PSMD8: variants seen among roughly 807,000 people sequenced by gnomAD.
PSMD8 encodes 26S proteasome non-ATPase regulatory subunit 8.
A neutral mutation model predicts 40.0 loss-of-function variants in PSMD8; 30 were observed. The observed-to-expected ratio is 0.75, with a 90% confidence interval of 0.56 to 1.02. PSMD8 has a LOEUF of 1.02. PSMD8 is among the 50% of genes least tolerant of loss of function. The pLI is 0.00. For missense variants in PSMD8, 461 were observed against 463.9 expected (o/e 0.99, Z 0.06); for synonymous variants, 208 against 192.5 (o/e 1.08, Z -0.67).
At chr19:38,375,072 C>G in intron 1 of PSMD8, 111 bp downstream of exon 1, 1 of 1,468,656 alleles carries the variant, frequency 6.8e-7, no homozygotes. Flanking sequence ...GCCAGCGAGA[C>G]TGAGGCGGGC....
intron 6 of PSMD8, 172 bp downstream of exon 6, chr19:38,382,400 G>A: frequency 4.7e-6 from 3 of 642,380 alleles, no homozygotes; most frequent in Non-Finnish European, 8.4e-6. Context: ...TCCACAGAAT[G>A]GGGCTAGATA....
At chr19:38,382,014 GT>G in intron 5 of PSMD8, 102 bp from the exon 6 acceptor site, 1 of 764,232 alleles carries the variant, frequency 1.3e-6, no homozygotes, top group South Asian at 1.6e-5. Context: ...CCTGCCATCA[GT>G]GCTGAACTCC....
chr19:38,376,679 G>C (rs186596906), intron 3 of PSMD8, among the ~76,000 whole-genome samples: 4 of 152,242 alleles, frequency 2.6e-5, no homozygotes, highest in Admixed American at 2.6e-4. Flanking sequence ...CTGCCCAGTG[G>C]GGCTGCCATC....
In PSMD8 at chr19:38,379,377, A is replaced by G; in HGVS notation, c.674A>G (p.Tyr225Cys). 2 of 1,614,010 alleles carry G rather than the reference A, an allele frequency of 1.2e-6. No homozygotes were observed. The highest frequency in any genetic ancestry group is 1.1e-5 in the South Asian group (1 of 91,088). Residue 225 changes from tyrosine to cysteine, a missense_variant, in exon 4 of 7, where the codon TAC (tyrosine) becomes TGC (cysteine). Transcript: ENST00000215071. ...GCCAAGGACATACAGACCAATGTCTACATCAAGCACCCAGTGTCCCTGGAG... is the reference window on the plus strand; with the variant it reads ...GCCAAGGACATACAGACCAATGTCTGCATCAAGCACCCAGTGTCCCTGGAG... ...LPAKDIQTNVYIKHPVSLEQY... is the reference protein window; with the variant it reads ...LPAKDIQTNVCIKHPVSLEQY...
chr19:38,380,723 T>TGTGTGTGTGTGCGCGCGTGCGCGC (rs575195574), intron 4 of PSMD8, among the ~76,000 whole-genome samples, 176 bp from the exon 5 acceptor site: 37 of 144,004 alleles, frequency 2.6e-4, no homozygotes, highest in African/African-American at 8.4e-4. Context: ...TGTGTGTGTG[T>TGTGTGTGTGTGCGCGCGTGCGCGC]GTGTGTGCGC....
Position 38,383,471 on chromosome 19 carries a change from T to A in PSMD8, c.*81T>A, listed in dbSNP as rs1286732343. ...AGGGTTTCGCCCAATAAAGGTGGAC[T>A]GACATTCCCTCTTCCAGGCCCTTGT... On this transcript the variant is annotated 3_prime_UTR_variant, in exon 7 of 7. Transcript: ENST00000215071. The A allele has an allele frequency of 6.4e-7, 1 of 1,555,608 alleles. No individual in the cohort carries two copies. Among genetic ancestry groups the A allele is most frequent in the Non-Finnish European group, 8.8e-7 (1 of 1,135,152 alleles).
rs138441628 is a variant in PSMD8, at chr19:38,379,252, C to T, written c.549C>T (p.Pro183=). The change falls in exon 4 of 7, where the codon CCC becomes CCT. Residue 183 remains proline (P), a synonymous_variant. Coordinates refer to ENST00000215071, the MANE Select transcript of PSMD8 (RefSeq NM_002812.5). The part of the protein sequence containing the change: ...CYYFDYKEQL[P]ESAYMHQLLG... ...CCCACGTCCACAGGGAGCAGCTCCC[C>T]GAGTCAGCCTATATGCACCAGCTCT... 2.6e-5 allele frequency: 42 copies of T among 1,613,626 alleles called. 1 individual carries two copies. The Middle Eastern group carries it at 6.8e-4, about 26-fold the overall frequency.
At chr19:38,380,154 TGG>T (rs1484412155) in intron 4 of PSMD8, among the ~76,000 whole-genome samples, 1 of 151,544 alleles carries the variant, frequency 6.6e-6, no homozygotes, top group Non-Finnish European at 1.5e-5. Context: ...AGGCGGATGG[TGG>T]GTGCCTGTAA....
At position 38,382,134 on chromosome 19, in the gene PSMD8, G is replaced by A. The variant is rs1381972806; in HGVS notation, c.821G>A (p.Cys274Tyr). The change falls in exon 6 of 7, where the codon TGC (cysteine) becomes TAC (tyrosine). Residue 274 changes from cysteine (C) to tyrosine (Y), a missense_variant. Physicochemically the swap from Cys to Tyr is radical, Grantham distance 194 (BLOSUM62 -2). Coordinates refer to ENST00000215071, the MANE Select transcript of PSMD8 (RefSeq NM_002812.5). ...TCCCCCAGGGATGAGATCGCTGGGTGCATCGAGAAGGCCTACGAGAAAATC... is the reference window on the plus strand; with the variant it reads ...TCCCCCAGGGATGAGATCGCTGGGTACATCGAGAAGGCCTACGAGAAAATC... ...LDTIRDEIAGCIEKAYEKILF... is the reference protein window; with the variant it reads ...LDTIRDEIAGYIEKAYEKILF... 1 of 1,574,870 alleles carries A rather than the reference G, an allele frequency of 6.3e-7. No homozygotes were observed. The highest frequency in any genetic ancestry group is 8.6e-7 in the Non-Finnish European group (1 of 1,160,788).
Position 38,382,294 on chromosome 19 carries a change from T to C in PSMD8, c.915+66T>C, listed in dbSNP as rs1342086770. Reference sequence around the variant, plus strand: ...TGAAGTCACTAACAACAGTGTGGGGTGGCTTAGAGGGACACTGGAACAAGA... The same window carrying C: ...TGAAGTCACTAACAACAGTGTGGGGCGGCTTAGAGGGACACTGGAACAAGA... On this transcript the variant is annotated intron_variant, in intron 6 of 6. Transcript: ENST00000215071. 8 of 1,308,932 alleles carry C rather than the reference T, an allele frequency of 6.1e-6. No homozygotes were observed. The South Asian group carries it at 8.8e-5, about 14-fold the overall frequency. The allele number at this position is 1,308,932 out of a possible 1,614,324, so 81.1% of individuals were successfully genotyped here. A position where few individuals can be genotyped will look rare whatever the true frequency, so the allele number is the denominator to read the frequency against.
chr19:38,374,810 A>C lies in PSMD8; in HGVS notation c.209A>C (p.Asn70Thr), dbSNP rs768877797. 1 of 1,573,232 alleles carries C rather than the reference A, an allele frequency of 6.4e-7. No individual in the cohort carries two copies. The highest frequency in any genetic ancestry group is 8.6e-7 in the Non-Finnish European group (1 of 1,166,160). ...CGCAAGATGGCGGCCGCGGCGGTGA[A>C]CGGGGCGGCAGGCTTCTCGAGCTCC... ...ASRKMAAAAV[N>T]GAAGFSSSGP... Residue 70 changes from asparagine to threonine, a missense_variant, in exon 1 of 7, where the codon AAC (asparagine) becomes ACC (threonine). Asn to Thr is a moderately conservative substitution (Grantham distance 65, BLOSUM62 0). Coordinates refer to ENST00000215071, the MANE Select transcript of PSMD8 (RefSeq NM_002812.5).
intron 3 of PSMD8, among the ~76,000 whole-genome samples, chr19:38,377,472 G>A (rs1333132598): frequency 6.6e-6 from 1 of 150,658 alleles, no homozygotes; most frequent in African/African-American, 2.4e-5. Flanking sequence ...GATTACAGGT[G>A]TTGAGTCATT....
rs1568388068 is a variant in PSMD8, at chr19:38,379,420, G to A, written c.702+15G>A. On this transcript the variant is annotated intron_variant, in intron 4 of 6. Transcript: ENST00000215071. The stretch of plus-strand genomic sequence containing the variant: ...CCCTGGAGCAAGTGAGATGGCAAGG[G>A]GCAGGGGAGGACCTGGCCAAAGTGG... 6.2e-7 allele frequency: 1 copy of A among 1,613,410 alleles called. No individual in the cohort carries two copies. Among genetic ancestry groups the A allele is most frequent in the East Asian group, 2.2e-5 (1 of 44,890 alleles).
intron 1 of PSMD8, among the ~76,000 whole-genome samples, 162 bp from the exon 2 acceptor site, chr19:38,375,998 G>A (rs1438039929): frequency 6.6e-6 from 1 of 152,222 alleles, no homozygotes; most frequent in Non-Finnish European, 1.5e-5. Flanking sequence ...TGTGTTGCGT[G>A]CTCAGGCCCT....
chr19:38,382,792 T>C (rs1183759530), intron 6 of PSMD8: 1 of 175,074 alleles, frequency 5.7e-6, no homozygotes, highest in East Asian at 1.5e-4. Context: ...GTGCCTGTAA[T>C]CTCAGCTACT....
chr19:38,378,666 A>T (rs1235525282), intron 3 of PSMD8, among the ~76,000 whole-genome samples: 1 of 150,876 alleles, frequency 6.6e-6, no homozygotes, highest in African/African-American at 2.4e-5. Flanking sequence ...TGAAAAAAAA[A>T]AAAAGGGCTG....
At chr19:38,379,662 G>A (rs1184318441) in intron 4 of PSMD8, among the ~76,000 whole-genome samples, 2 of 152,204 alleles carry the variant, frequency 1.3e-5, no homozygotes, top group African/African-American at 2.4e-5. Flanking sequence ...CAGATAGTAA[G>A]CCCGAAGAGT....
In PSMD8 at chr19:38,376,376, A is replaced by C; in HGVS notation, c.458A>C (p.Gln153Pro). Residue 153 changes from glutamine to proline, a missense_variant, in exon 3 of 7, where the codon CAA becomes CCA. Around this residue, in one of 2 missense-constraint regions of PSMD8, gnomAD observed 236 missense variants for 321.2 expected, o/e 0.73. Coordinates refer to ENST00000215071, the MANE Select transcript of PSMD8 (RefSeq NM_002812.5). The stretch of plus-strand genomic sequence containing the variant: ...GGTGACATACTGGAGATCGGGGCCC[A>C]ATGGAGCATCCTACGCAAGGACATC... ...LARDILEIGA[Q>P]WSILRKDIPS... 1 of 1,552,524 alleles carries C rather than the reference A, an allele frequency of 6.4e-7. No individual in the cohort carries two copies. The highest frequency in any genetic ancestry group is 8.7e-7 in the Non-Finnish European group (1 of 1,147,380).
rs932546658 is a variant in PSMD8, at chr19:38,374,618, G to C, written c.17G>C (p.Arg6Thr). ...CCAACTGACATGTTCATTAAGGGCAGGGCTCCGAGGGCGCCACCTCGAGAG... is the reference window on the plus strand; with the variant it reads ...CCAACTGACATGTTCATTAAGGGCACGGCTCCGAGGGCGCCACCTCGAGAG... Reference protein sequence around the residue: MFIKGRAPRAPPRERR... With the variant: MFIKGTAPRAPPRERR... The change falls in exon 1 of 7, where the codon AGG (arginine) becomes ACG (threonine). Residue 6 changes from arginine to threonine, a missense_variant. Around this residue, in one of 2 missense-constraint regions of PSMD8, gnomAD observed 225 missense variants for 142.7 expected, o/e 1.58. Coordinates refer to ENST00000215071, the MANE Select transcript of PSMD8 (RefSeq NM_002812.5). 9 of 1,496,048 alleles carry C rather than the reference G, an allele frequency of 6.0e-6. No individual in the cohort carries two copies. Among genetic ancestry groups the C allele is most frequent in the Non-Finnish European group, 8.0e-6 (9 of 1,129,436 alleles). The allele number at this position is 1,496,048 out of a possible 1,614,324, so 92.7% of individuals were successfully genotyped here.
Sources: gnomAD v4.1 joint callset for allele counts (sites outside exome capture counted in the v4.1 genomes callset) on GRCh38, gnomAD v4.1.1 for gene constraint, gnomAD v4.1.1 regional missense constraint, MANE v1.5 for transcripts, NCBI Gene and HGNC (gene_info 2026-07-23, HGNC 2026-07-21) for gene names.